Variants in ANO2 observed in about 807,000 individuals in gnomAD.
The protein encoded by ANO2 is anoctamin-2.
A neutral mutation model predicts 124.2 loss-of-function variants in ANO2; 101 were observed. That is an observed-to-expected ratio of 0.81 (90% CI 0.69 to 0.96). ANO2 has a LOEUF of 0.96. ANO2 is among the 40% of genes least tolerant of loss of function. ANO2 has a pLI of 0.00. For missense variants in ANO2, 1,293 were observed against 1,274.5 expected (o/e 1.01, Z -0.22); for synonymous variants, 486 against 482.5 (o/e 1.01, Z -0.09).
chr12:5,676,640 G>C (rs1041329369), intron 14 of ANO2, among the ~76,000 whole-genome samples: 2 of 151,784 alleles, frequency 1.3e-5, no homozygotes, highest in African/African-American at 4.8e-5. Flanking sequence ...ATTTTGTAAA[G>C]AGAAAAAATA....
intron 16 of ANO2, among the ~76,000 whole-genome samples, chr12:5,634,413 C>A (rs1945894737): frequency 6.6e-6 from 1 of 152,170 alleles, no homozygotes; most frequent in African/African-American, 2.4e-5. Context: ...TTACTAGGGT[C>A]AGAGAGGGAA....
chr12:5,927,596 C>T (rs1238656020), intron 1 of ANO2, among the ~76,000 whole-genome samples: 1 of 152,234 alleles, frequency 6.6e-6, no homozygotes, highest in Non-Finnish European at 1.5e-5. Context: ...CTTCCAACGA[C>T]CATTTCCTCA....
chr12:5,874,745 C>T (rs1407214295), intron 3 of ANO2, among the ~76,000 whole-genome samples: 2 of 152,298 alleles, frequency 1.3e-5, no homozygotes, highest in Admixed American at 1.3e-4. Flanking sequence ...GTTAGTTGTA[C>T]ATATGGAAAT....
At chr12:5,578,659 T>C (rs1942565024) in intron 20 of ANO2, 141 bp from the exon 21 acceptor site, 3 of 826,900 alleles carry the variant, frequency 3.6e-6, no homozygotes, top group South Asian at 2.0e-5. Flanking sequence ...CTTTTCCTCC[T>C]GTGTCACATA....
At chr12:5,735,249 C>A (rs140085419) in intron 13 of ANO2, among the ~76,000 whole-genome samples, 90 of 152,224 alleles carry the variant, frequency 5.9e-4, no homozygotes, top group African/African-American at 2.1e-3. Flanking sequence ...TTATCTGATA[C>A]CAAGTCATCA....
intron 4 of ANO2, among the ~76,000 whole-genome samples, chr12:5,844,537 T>A (rs1011953374): frequency 6.6e-6 from 1 of 152,226 alleles, no homozygotes. Context: ...ATTCACAAAT[T>A]GTCATTTGCT....
At chr12:5,717,135 C>A (rs1350534315) in intron 14 of ANO2, among the ~76,000 whole-genome samples, 2 of 152,230 alleles carry the variant, frequency 1.3e-5, no homozygotes, top group Non-Finnish European at 2.9e-5. Flanking sequence ...GGCTGTGCTG[C>A]AGCCAGCTTC....
chr12:5,884,619 G>A (rs1258972505), intron 3 of ANO2, among the ~76,000 whole-genome samples: 2 of 152,310 alleles, frequency 1.3e-5, no homozygotes, highest in East Asian at 3.9e-4. Flanking sequence ...CCAGGCAAAG[G>A]TGCCAGCCTG....
Position 5,758,569 on chromosome 12 carries a change from G to A in ANO2, c.1056-7599C>T, listed in dbSNP as rs1951648480. ...AGGCATGCAGGGACTGCTGAAATCTGAGAGTGGTAAAGAAACAATGAGGAC... is the reference window on the plus strand; with the variant it reads ...AGGCATGCAGGGACTGCTGAAATCTAAGAGTGGTAAAGAAACAATGAGGAC... On this transcript the variant is annotated intron_variant, in intron 10 of 24. Coordinates refer to ENST00000682330, the MANE Select transcript of ANO2 (RefSeq NM_001364791.2). Among the ~76,000 whole-genome samples the A allele has an allele frequency of 3.3e-5, 5 of 152,326 alleles. No individual in the cohort carries two copies. In the South Asian group the frequency reaches 1.0e-3, roughly 32 times the overall value.
At chr12:5,609,382 G>A (rs1049534358) in intron 19 of ANO2, among the ~76,000 whole-genome samples, 1 of 152,122 alleles carries the variant, frequency 6.6e-6, no homozygotes, top group Admixed American at 6.5e-5. Context: ...AGTGCCCTCT[G>A]AGGTTGTCCC....
chr12:5,635,629 A>ACACAC lies in ANO2; in HGVS notation c.1621-283_1621-282insGTGTG, dbSNP rs1555111086. Among the ~76,000 whole-genome samples, 4 of 151,392 alleles carry ACACAC rather than the reference A, an allele frequency of 2.6e-5. No homozygotes were observed. Among genetic ancestry groups the ACACAC allele is most frequent in the Admixed American group, 6.6e-5 (1 of 15,178 alleles). On this transcript the variant is annotated intron_variant, in intron 15 of 24. Transcript: ENST00000682330. This position sits in a 1 kb window ranked among gnomAD's most constrained non-coding sequence, Gnocchi z 5.2. ...CACACACACACACACACACACACAC[A>ACACAC]ATAAGGATGAACATGCTGGACCCTG...
At chr12:5,829,797 T>C (rs987792061) in intron 6 of ANO2, among the ~76,000 whole-genome samples, 1 of 152,198 alleles carries the variant, frequency 6.6e-6, no homozygotes, top group African/African-American at 2.4e-5. Context: ...ATGCAGATTT[T>C]TATTAGAACC....
At chr12:5,644,056 T>C (rs1032207540) in intron 15 of ANO2, among the ~76,000 whole-genome samples, 4 of 152,232 alleles carry the variant, frequency 2.6e-5, no homozygotes, top group Admixed American at 1.3e-4. Flanking sequence ...CATTTTATTA[T>C]GGTTGTGCTT....
intron 14 of ANO2, among the ~76,000 whole-genome samples, chr12:5,689,112 G>C (rs1230012799): frequency 6.6e-6 from 1 of 152,138 alleles, no homozygotes; most frequent in African/African-American, 2.4e-5. Context: ...AAAACAAATT[G>C]TGAGGTTACT....
At chr12:5,647,494 C>T (rs1191552690) in intron 15 of ANO2, among the ~76,000 whole-genome samples, 1 of 152,220 alleles carries the variant, frequency 6.6e-6, no homozygotes, top group Non-Finnish European at 1.5e-5. Flanking sequence ...AGTTTTTGGT[C>T]TGTCTCCATG....
At chr12:5,689,942 CA>C in intron 14 of ANO2, among the ~76,000 whole-genome samples, 1 of 152,176 alleles carries the variant, frequency 6.6e-6, no homozygotes, top group South Asian at 2.1e-4. Context: ...TGACATAAGA[CA>C]AACTCCTATA....
At chr12:5,918,543 G>A (rs374344268) in intron 3 of ANO2, among the ~76,000 whole-genome samples, 4 of 151,180 alleles carry the variant, frequency 2.6e-5, no homozygotes, top group Non-Finnish European at 5.9e-5. Context: ...GGGTTCAAGC[G>A]ATTCTTCTGC....
At chr12:5,841,155 C>T (rs532066388) in intron 4 of ANO2, among the ~76,000 whole-genome samples, 1 of 152,318 alleles carries the variant, frequency 6.6e-6, no homozygotes, top group South Asian at 2.1e-4. Context: ...GAAATCTGTC[C>T]CTGCTCGCTT....
intron 14 of ANO2, among the ~76,000 whole-genome samples, chr12:5,665,423 C>A (rs557547302): frequency 6.6e-6 from 1 of 152,230 alleles, no homozygotes; most frequent in Non-Finnish European, 1.5e-5. Context: ...CAGACCCCAG[C>A]TTCTGCCTCA....
Sources: allele counts gnomAD v4.1 joint callset (sites outside exome capture counted in the v4.1 genomes callset), GRCh38; gene constraint gnomAD v4.1.1; non-coding constraint Gnocchi (gnomAD v3.1); transcripts MANE v1.5; gene names NCBI Gene and HGNC (gene_info 2026-07-23, HGNC 2026-07-21).